SDR42E1: variants seen among roughly 807,000 people sequenced by gnomAD.
SDR42E1 encodes the protein short chain dehydrogenase/reductase family 42E, member 1.
A neutral mutation model predicts 2.6 loss-of-function variants in SDR42E1; 5 were observed. The observed-to-expected ratio is 1.94, with a 90% CI of 1.01 to 4.08. The LOEUF (loss-of-function observed/expected upper bound fraction) is 4.08, where lower values mean the gene tolerates loss of function less well. SDR42E1 is among the 30% of genes most tolerant of loss of function. The probability of loss-of-function intolerance (pLI) is 0.00; values close to 1 mark genes in which losing one functional copy is unlikely to be tolerated. For synonymous variants in SDR42E1, 231 were observed against 188.3 expected (o/e 1.23, Z -1.86); for missense variants, 596 against 478.6 (o/e 1.25, Z -2.29).
chr16:81,999,904 C>A lies in SDR42E1; in HGVS notation c.389G>T (p.Gly130Val), dbSNP rs975922917. Reference sequence around the variant, plus strand: ...TTCATCCCCATTTCTGATAACTTGACCTCCAAAGATGACATTGAAAGTGCT... The same window carrying A: ...TTCATCCCCATTTCTGATAACTTGAACTCCAAAGATGACATTGAAAGTGCT... ...YTSTFNVIFG[G>V]QVIRNGDESL... Residue 130 changes from glycine to valine, a missense_variant, in exon 3 of 3, where the codon GGT becomes GTT. By Grantham distance (109) the Gly-to-Val change is moderately radical. Transcript: ENST00000328945. The A allele has an allele frequency of 5.6e-6, 9 of 1,614,086 alleles. No individual in the cohort carries two copies. Among genetic ancestry groups the A allele is most frequent in the Non-Finnish European group, 6.8e-6 (8 of 1,180,046 alleles).
At position 81,999,273 on chromosome 16, in the gene SDR42E1, T is replaced by C. The variant is rs367921235; in HGVS notation, c.1020A>G (p.Pro340=). 3.1e-6 allele frequency: 5 copies of C among 1,614,220 alleles called. No homozygotes were observed. The highest frequency in any genetic ancestry group is 2.2e-5 in the South Asian group (2 of 91,086). The change falls in exon 3 of 3, where the codon CCA becomes CCG. Residue 340 remains proline, a synonymous_variant. Coordinates refer to ENST00000328945, the MANE Select transcript of SDR42E1 (RefSeq NM_145168.3). ...ATTCCACTGCTTCCTGGAGGTCAAATGGCTGAGCCTTATAACCTAGCTCTT... is the reference window on the plus strand; with the variant it reads ...ATTCCACTGCTTCCTGGAGGTCAAACGGCTGAGCCTTATAACCTAGCTCTT... The part of the protein sequence containing the change: ...AKKELGYKAQ[P]FDLQEAVEWF...
chr16:82,008,964 G>A (rs1913038020), intron 1 of SDR42E1, among the ~76,000 whole-genome samples: 4 of 152,196 alleles, frequency 2.6e-5, no homozygotes, highest in Admixed American at 2.6e-4. Flanking sequence ...CTGCGTCCCA[G>A]CTGCTCCAGC....
At position 81,995,502 on chromosome 16, in the gene SDR42E1, C is replaced by G. The variant is rs950766864; in HGVS notation, c.*3609G>C. On this transcript the variant is annotated 3_prime_UTR_variant, in exon 3 of 3. Transcript: ENST00000328945. ...GAGCACAAATCACTTGGCCCACATT[C>G]CTTCCCCATTCCCTGACCTCCTTAT... 6.6e-6 allele frequency: 1 copy of G among 152,198 alleles called. No individual in the cohort carries two copies. Among genetic ancestry groups the G allele is most frequent in the Non-Finnish European group, 1.5e-5 (1 of 68,060 alleles). 9.4% of individuals were successfully genotyped at this position (152,198 alleles called of 1,614,324 possible).
At position 81,994,898 on chromosome 16, in the gene SDR42E1, C is replaced by CT. The variant is rs1254429945; in HGVS notation, c.*4212dup. 9 of 152,290 alleles carry CT rather than the reference C, an allele frequency of 5.9e-5. No homozygotes were observed. The East Asian group carries it at 1.7e-3, about 29-fold the overall frequency. The allele number at this position is 152,290 out of a possible 1,614,324, so 9.4% of individuals were successfully genotyped here. On this transcript the variant is annotated 3_prime_UTR_variant, in exon 3 of 3. Coordinates refer to ENST00000328945, the MANE Select transcript of SDR42E1 (RefSeq NM_145168.3). The stretch of plus-strand genomic sequence containing the variant: ...TAAAACATTTTCTTGAAAAGAATCC[C>CT]TAGGCCTATTCCCTAGGTTTGAGAA...
intron 1 of SDR42E1, among the ~76,000 whole-genome samples, chr16:82,009,520 C>T (rs11862886): frequency 0.042 from 6,350 of 152,292 alleles, 427 homozygotes; most frequent in African/African-American, 0.14. Flanking sequence ...GTGACTGCCC[C>T]GCTGGATTTT....
rs911106380 is a variant in SDR42E1 at position 81,991,687 on chromosome 16, G to A, written c.*7424C>T. On this transcript the variant is annotated 3_prime_UTR_variant, in exon 3 of 3. Transcript: ENST00000328945. ...GACTGTGCCACTGTACTCTAGCCTG[G>A]GTGACAGACGAGACTCTATCAAAAA... The A allele has an allele frequency of 2.0e-5, 3 of 149,238 alleles. No homozygotes were observed. The highest frequency in any genetic ancestry group is 4.4e-5 in the Non-Finnish European group (3 of 67,820). The allele number at this position is 149,238 out of a possible 1,614,324, so 9.2% of individuals were successfully genotyped here. A position where few individuals can be genotyped will look rare whatever the true frequency, so the allele number is the denominator to read the frequency against.
At chr16:82,009,248 T>C (rs774647149) in intron 1 of SDR42E1, among the ~76,000 whole-genome samples, 4 of 152,186 alleles carry the variant, frequency 2.6e-5, no homozygotes, top group Non-Finnish European at 4.4e-5. Context: ...GCGTCCCCAC[T>C]GGGACACTGC....
rs185515936 is a variant in SDR42E1 at position 81,996,770 on chromosome 16, A to T, written c.*2341T>A. 6.6e-6 allele frequency: 1 copy of T among 152,304 alleles called. No individual in the cohort carries two copies. The highest frequency in any genetic ancestry group is 1.9e-4 in the East Asian group (1 of 5,178). The allele number at this position is 152,304 out of a possible 1,614,324, so 9.4% of individuals were successfully genotyped here. The stretch of plus-strand genomic sequence containing the variant: ...AGCTGGAGTGGGAGACAGTAACAGA[A>T]TTGGGGAGATATGGAAGCAGGAATG... On this transcript the variant is annotated 3_prime_UTR_variant, in exon 3 of 3. Transcript: ENST00000328945.
At chr16:82,006,795 AAAAAAAC>A (rs544997791) in intron 1 of SDR42E1, among the ~76,000 whole-genome samples, 173 of 152,352 alleles carry the variant, frequency 1.1e-3, no homozygotes, top group Admixed American at 2.4e-3. Flanking sequence ...TTCCATCTCA[AAAAAAAC>A]AAAAAACAAA....
In SDR42E1 at chr16:82,000,898, T is replaced by G; in HGVS notation, c.-26-14A>C. On this transcript the variant is annotated splice_polypyrimidine_tract_variant and intron_variant, in intron 1 of 2. Transcript: ENST00000328945. ...AGATAACTGGACCTGAAGAAAGAAG[T>G]ATGCATCACTGTTACTGATCCAAAT... 5.9e-6 allele frequency: 9 copies of G among 1,536,886 alleles called. No individual in the cohort carries two copies. The highest frequency in any genetic ancestry group is 8.1e-6 in the Non-Finnish European group (9 of 1,116,258).
At position 81,999,097 on chromosome 16, in the gene SDR42E1, T is replaced by A; in HGVS notation, c.*14A>T. The stretch of plus-strand genomic sequence containing the variant: ...TCTCAGCCAACTGTGATCACCTTAT[T>A]TCTGGCCCCTCCTTCACAGTGACAG... On this transcript the variant is annotated 3_prime_UTR_variant, in exon 3 of 3. Transcript: ENST00000328945. 1.2e-6 allele frequency: 2 copies of A among 1,609,370 alleles called. No individual in the cohort carries two copies. Among genetic ancestry groups the A allele is most frequent in the Non-Finnish European group, 1.7e-6 (2 of 1,177,944 alleles).
At chr16:82,000,925 C>A in intron 1 of SDR42E1, 41 bp from the exon 2 acceptor site, 1 of 1,359,944 alleles carries the variant, frequency 7.4e-7, no homozygotes, top group Non-Finnish European at 1.0e-6. Context: ...GATCCAAATG[C>A]AAACGTCATT....
rs1912707343 is a variant in SDR42E1 at position 82,000,164 on chromosome 16, A to G, written c.129T>C (p.Pro43=). Residue 43 remains proline (P), a synonymous_variant, in exon 3 of 3, where the codon CCT becomes CCC. Transcript: ENST00000328945. ...VHVILFDISS[P]AQTIPEGIKF... ...TGATTCCTTCTGGAATGGTTTGAGC[A>G]GGGCTGCTGATGTCAAACAGAATCA... 1.2e-6 allele frequency: 2 copies of G among 1,612,948 alleles called. No individual in the cohort carries two copies. Among genetic ancestry groups the G allele is most frequent in the East Asian group, 4.5e-5 (2 of 44,834 alleles).
At chr16:82,002,381 A>C (rs1457815678) in intron 1 of SDR42E1, among the ~76,000 whole-genome samples, 1 of 152,158 alleles carries the variant, frequency 6.6e-6, no homozygotes, top group African/African-American at 2.4e-5. Context: ...GTGTTGTGCT[A>C]TGTTACAGGA....
chr16:82,008,079 C>G (rs1177935857), intron 1 of SDR42E1, among the ~76,000 whole-genome samples: 1 of 152,174 alleles, frequency 6.6e-6, no homozygotes, highest in Admixed American at 6.5e-5. Context: ...CCCACAACAT[C>G]TGATGATTTT....
rs1912486181 is a variant in SDR42E1, at chr16:81,994,022, C to T, written c.*5089G>A. ...TGAGTGGAGAGGCTGCCTTTGGAAA[C>T]CACGGGGTAGGATCACCTGTACCCA... is the stretch of plus-strand genomic sequence containing the variant. On this transcript the variant is annotated 3_prime_UTR_variant, in exon 3 of 3. Coordinates refer to ENST00000328945, the MANE Select transcript of SDR42E1 (RefSeq NM_145168.3). 1 of 152,130 alleles carries T rather than the reference C, an allele frequency of 6.6e-6. No individual in the cohort carries two copies. The highest frequency in any genetic ancestry group is 1.5e-5 in the Non-Finnish European group (1 of 68,028). The allele number at this position is 152,130 out of a possible 1,614,324, so 9.4% of individuals were successfully genotyped here.
chr16:81,994,001 T>A lies in SDR42E1; in HGVS notation c.*5110A>T, dbSNP rs1012420857. The A allele has an allele frequency of 5.9e-5, 9 of 151,568 alleles. No homozygotes were observed. Among genetic ancestry groups the A allele is most frequent in the African/African-American group, 2.2e-4 (9 of 41,208 alleles). 9.4% of individuals were successfully genotyped at this position (151,568 alleles called of 1,614,324 possible). Reference sequence around the variant, plus strand: ...GAAAGAAAGAGGGCACAGAGGTGAGTGGAGAGGCTGCCTTTGGAAACCACG... The same window carrying A: ...GAAAGAAAGAGGGCACAGAGGTGAGAGGAGAGGCTGCCTTTGGAAACCACG... On this transcript the variant is annotated 3_prime_UTR_variant, in exon 3 of 3. Coordinates refer to ENST00000328945, the MANE Select transcript of SDR42E1 (RefSeq NM_145168.3).
At chr16:82,005,200 A>T (rs1912894790) in intron 1 of SDR42E1, among the ~76,000 whole-genome samples, 1 of 152,218 alleles carries the variant, frequency 6.6e-6, no homozygotes, top group Admixed American at 6.5e-5. Context: ...GTGCACATTA[A>T]TCAAGTAAGG....
At position 81,999,018 on chromosome 16, in the gene SDR42E1, T is replaced by C. The variant is rs1363691249; in HGVS notation, c.*93A>G. 3.7e-6 allele frequency: 5 copies of C among 1,353,464 alleles called. No individual in the cohort carries two copies. Among genetic ancestry groups the C allele is most frequent in the Non-Finnish European group, 4.0e-6 (4 of 997,474 alleles). 83.8% of individuals were successfully genotyped at this position (1,353,464 alleles called of 1,614,324 possible). A position where few individuals can be genotyped will look rare whatever the true frequency, so the allele number is the denominator to read the frequency against. ...TAAGTAGCAATTTGAAGAGCCAATG[T>C]TTGGCACCAGATATCACTGTACACA... On this transcript the variant is annotated 3_prime_UTR_variant, in exon 3 of 3. Coordinates refer to ENST00000328945, the MANE Select transcript of SDR42E1 (RefSeq NM_145168.3).
Sources: allele counts gnomAD v4.1 joint callset (sites outside exome capture counted in the v4.1 genomes callset), GRCh38; gene constraint gnomAD v4.1.1; transcripts MANE v1.5; gene names NCBI Gene and HGNC (gene_info 2026-07-23, HGNC 2026-07-21).